FGF7: variants seen among roughly 807,000 people sequenced by gnomAD.
The protein encoded by FGF7 is FGF-7.
A neutral mutation model predicts 20.5 loss-of-function variants in FGF7; 6 were observed. That is an observed-to-expected ratio of 0.29 (90% CI 0.16 to 0.58). The LOEUF is 0.58. FGF7 is among the 20% of genes least tolerant of loss of function. The pLI is 0.90. For missense variants in FGF7, 144 were observed against 228.8 expected (o/e 0.63, Z 2.39); for synonymous variants, 64 against 74.7 (o/e 0.86, Z 0.74).
At chr15:49,461,348 T>C (rs1194459250) in intron 2 of FGF7, among the ~76,000 whole-genome samples, 1 of 152,230 alleles carries the variant, frequency 6.6e-6, no homozygotes, top group African/African-American at 2.4e-5. Flanking sequence ...TGAGTAGGTA[T>C]ACAGTCAATA....
chr15:49,449,269 A>T (rs897606532), intron 2 of FGF7, among the ~76,000 whole-genome samples: 6 of 152,072 alleles, frequency 3.9e-5, no homozygotes, highest in African/African-American at 1.4e-4. Flanking sequence ...TATGGAATAA[A>T]GCAATCATGA....
intron 2 of FGF7, among the ~76,000 whole-genome samples, chr15:49,448,676 T>C (rs915936171): frequency 2.5e-4 from 37 of 150,448 alleles, no homozygotes; most frequent in African/African-American, 8.8e-4. Flanking sequence ...CATATGTACA[T>C]ATATATATAT....
At chr15:49,440,747 A>T (rs1477668111) in intron 2 of FGF7, among the ~76,000 whole-genome samples, 4 of 151,734 alleles carry the variant, frequency 2.6e-5, no homozygotes, top group Admixed American at 2.6e-4. Flanking sequence ...GTTTGGTTCT[A>T]GTAAACAACA....
At chr15:49,432,003 C>T (rs945869121) in intron 2 of FGF7, among the ~76,000 whole-genome samples, 11 of 151,596 alleles carry the variant, frequency 7.3e-5, no homozygotes, top group African/African-American at 2.4e-4. Context: ...GTTTGAATCT[C>T]TTGGTTGATT....
At chr15:49,479,599 GTTTTTTTTTTTTT>G (rs56097665) in intron 2 of FGF7, among the ~76,000 whole-genome samples, 42 of 63,326 alleles carry the variant, frequency 6.6e-4, no homozygotes, top group African/African-American at 2.0e-3. Context: ...TAATACCTCT[GTTTTTTTTTTTTT>G]TTTTTTTTTT....
chr15:49,456,289 G>T (rs1201492420), intron 2 of FGF7, among the ~76,000 whole-genome samples: 2 of 152,012 alleles, frequency 1.3e-5, no homozygotes, highest in African/African-American at 4.8e-5. Flanking sequence ...AGAATGCTTT[G>T]TGAAAGAAGT....
At chr15:49,436,276 A>T (rs893733721) in intron 2 of FGF7, among the ~76,000 whole-genome samples, 1 of 151,630 alleles carries the variant, frequency 6.6e-6, no homozygotes, top group Non-Finnish European at 1.5e-5. Flanking sequence ...AAAATATTTG[A>T]GTAGTCAGTT....
At chr15:49,436,707 G>T (rs2051138466) in intron 2 of FGF7, among the ~76,000 whole-genome samples, 1 of 151,546 alleles carries the variant, frequency 6.6e-6, no homozygotes, top group African/African-American at 2.4e-5. Context: ...AGGTTACATA[G>T]CTAGTAACTG....
chr15:49,453,643 G>A (rs1217502393), intron 2 of FGF7, among the ~76,000 whole-genome samples: 14 of 152,060 alleles, frequency 9.2e-5, no homozygotes, highest in African/African-American at 2.9e-4. Flanking sequence ...CATACATTCC[G>A]AGGTAATTGT....
At chr15:49,484,072 C>T (rs1421141542) in intron 3 of FGF7, among the ~76,000 whole-genome samples, 1 of 151,982 alleles carries the variant, frequency 6.6e-6, no homozygotes, top group Non-Finnish European at 1.5e-5. Context: ...AAAAGCTACA[C>T]ATATTTCATA....
At chr15:49,456,595 C>T (rs748727658) in intron 2 of FGF7, among the ~76,000 whole-genome samples, 14 of 151,904 alleles carry the variant, frequency 9.2e-5, no homozygotes, top group Admixed American at 5.9e-4. Context: ...TTTCTCTTCT[C>T]AAGGAATAAA....
At position 49,479,747 on chromosome 15, in the gene FGF7, G is replaced by A. The variant is rs2055749508; in HGVS notation, c.287-3404G>A. 2.6e-5 allele frequency among the ~76,000 whole-genome samples: 4 copies of A among 151,518 alleles called. 1 individual carries two copies. In the South Asian group the frequency reaches 8.4e-4, roughly 32 times the overall value. On this transcript the variant is annotated intron_variant, in intron 2 of 3. Coordinates refer to ENST00000267843, the MANE Select transcript of FGF7 (RefSeq NM_002009.4). ...TCCTGACTCAGACTACCGAGTAACT[G>A]GGATTACAGACACCCACCATCATGC...
chr15:49,464,234 T>C (rs1446158964), intron 2 of FGF7, among the ~76,000 whole-genome samples: 1 of 151,908 alleles, frequency 6.6e-6, no homozygotes, highest in African/African-American at 2.4e-5. Context: ...TCTGACACTT[T>C]ATTTCCCGAA....
intron 2 of FGF7, among the ~76,000 whole-genome samples, chr15:49,480,040 T>C (rs146974501): frequency 0.011 from 1,632 of 152,310 alleles, 33 homozygotes; most frequent in African/African-American, 0.034. Flanking sequence ...AAAAGAGGGT[T>C]GTAGGACATG....
chr15:49,457,200 G>C (rs920604236), intron 2 of FGF7, among the ~76,000 whole-genome samples: 1 of 151,984 alleles, frequency 6.6e-6, no homozygotes, highest in Non-Finnish European at 1.5e-5. Context: ...CAGTTTATTG[G>C]ATTCATTGGA....
chr15:49,441,214 A>C (rs931714135), intron 2 of FGF7, among the ~76,000 whole-genome samples: 3 of 151,670 alleles, frequency 2.0e-5, no homozygotes, highest in Non-Finnish European at 3.0e-5. Context: ...CTCACCAAAC[A>C]ATACTGCCAA....
intron 2 of FGF7, among the ~76,000 whole-genome samples, chr15:49,471,015 T>C (rs939060239): frequency 1.3e-5 from 2 of 152,250 alleles, no homozygotes; most frequent in Non-Finnish European, 2.9e-5. Flanking sequence ...ATGTATAATA[T>C]AAACTGTTTT....
intron 2 of FGF7, among the ~76,000 whole-genome samples, chr15:49,461,749 C>T (rs2053818229): frequency 6.6e-6 from 1 of 152,104 alleles, no homozygotes; most frequent in African/African-American, 2.4e-5. Context: ...TAAAGAGATA[C>T]CATGTGAAAT....
chr15:49,437,807 C>A (rs1480774931), intron 2 of FGF7, among the ~76,000 whole-genome samples: 1 of 151,620 alleles, frequency 6.6e-6, no homozygotes, highest in African/African-American at 2.4e-5. Flanking sequence ...TGGATACCAA[C>A]ACCAAAGAGT....
Sources: gnomAD v4.1 joint callset for allele counts (sites outside exome capture counted in the v4.1 genomes callset) on GRCh38, gnomAD v4.1.1 for gene constraint, MANE v1.5 for transcripts, NCBI Gene and HGNC (gene_info 2026-07-23, HGNC 2026-07-21) for gene names.